Variants in PIK3C2G observed in about 807,000 individuals in gnomAD.
The protein encoded by PIK3C2G is phosphatidylinositol-4-phosphate 3-kinase catalytic subunit type 2 gamma, also known as phosphatidylinositol 3-kinase C2 domain-containing subunit gamma.
Under a neutral mutation model 181.1 loss-of-function variants are expected in PIK3C2G, and 168 were observed. That is an observed-to-expected ratio of 0.93 (90% confidence interval 0.82 to 1.05). The LOEUF (loss-of-function observed/expected upper bound fraction) is 1.05, where lower values mean the gene tolerates loss of function less well. PIK3C2G is among the 50% of genes least tolerant of loss of function. PIK3C2G has a pLI of 0.00. For synonymous variants in PIK3C2G, 573 were observed against 592.2 expected, an observed-to-expected ratio of 0.97 and a Z score of 0.47; for missense variants, 1,869 against 1,732.8, an observed-to-expected ratio of 1.08 and a Z score of -1.40.
rs753453484 is a variant in PIK3C2G at position 18,423,962 on chromosome 12, G to A, written c.2427G>A (p.Trp809Ter). 1 of 1,609,180 alleles carries A rather than the reference G, an allele frequency of 6.2e-7. No homozygotes were observed. The change falls in exon 18 of 33, where the codon TGG becomes TGA. Residue 809 changes from tryptophan (W) to a stop codon, truncating the protein, a stop_gained. Transcript: ENST00000538779. LOFTEE classifies it high-confidence loss of function. ...PQLVQAVKFE[W>*]NLESPLVQLL... The stretch of plus-strand genomic sequence containing the variant: ...TACTTCAGGCTGTCAAGTTTGAATG[G>A]AACCTTGAGAGTCCTTTAGTGCAAC...
intron 26 of PIK3C2G, among the ~76,000 whole-genome samples, chr12:18,559,824 A>ATATATATATATG (rs1945247744): frequency 2.8e-5 from 1 of 35,176 alleles, no homozygotes; most frequent in African/African-American, 1.0e-4. Context: ...ATATATATAG[A>ATATATATATATG]GAGAGAGAGA....
chr12:18,441,156 C>T (rs907458225), intron 18 of PIK3C2G, among the ~76,000 whole-genome samples: 19 of 152,066 alleles, frequency 1.2e-4, no homozygotes, highest in Non-Finnish European at 2.5e-4. Flanking sequence ...GAGATGTGAT[C>T]ACCTGTGTCA....
chr12:18,343,618 A>G (rs536061919), intron 10 of PIK3C2G, among the ~76,000 whole-genome samples: 6 of 152,162 alleles, frequency 3.9e-5, no homozygotes, highest in Admixed American at 3.9e-4. Flanking sequence ...TAATGAGAAA[A>G]ATAAAAAGAT....
intron 18 of PIK3C2G, among the ~76,000 whole-genome samples, chr12:18,478,307 A>C (rs1323862471): frequency 3.3e-5 from 5 of 152,086 alleles, no homozygotes; most frequent in Non-Finnish European, 7.4e-5. Flanking sequence ...GAGACTTCCC[A>C]TTTCTTTTCT....
chr12:18,361,791 A>G (rs1202279312), intron 11 of PIK3C2G, among the ~76,000 whole-genome samples: 1 of 152,124 alleles, frequency 6.6e-6, no homozygotes, highest in African/African-American at 2.4e-5. Context: ...GCTGCCTCCC[A>G]TCAGTGCTTC....
chr12:18,325,061 A>C lies in PIK3C2G; in HGVS notation c.1235A>C (p.Lys412Thr). The change falls in exon 8 of 33, where the codon AAA becomes ACA. Residue 412 changes from lysine (K) to threonine (T), a missense_variant. Lys to Thr is a moderately conservative substitution (Grantham distance 78, BLOSUM62 -1). Coordinates refer to ENST00000538779, the MANE Select transcript of PIK3C2G (RefSeq NM_001288772.2). ...CAATGTCTCTTAACACTCATCAGAA[A>C]ATATGACTTCCACCTGAAATACCTA... ...SRQCLLTLIRKYDFHLKYLLK... is the reference protein window; with the variant it reads ...SRQCLLTLIRTYDFHLKYLLK... 6.3e-7 allele frequency: 1 copy of C among 1,580,360 alleles called. No homozygotes were observed.
intron 31 of PIK3C2G, among the ~76,000 whole-genome samples, chr12:18,627,065 A>AT (rs1195991975): frequency 5.6e-4 from 78 of 140,092 alleles, no homozygotes; most frequent in Admixed American, 1.8e-3. Context: ...TCCTTCTTCC[A>AT]TTTTTTTTTT....
chr12:18,324,295 T>C (rs1360485951), intron 7 of PIK3C2G, among the ~76,000 whole-genome samples: 2 of 152,130 alleles, frequency 1.3e-5, no homozygotes, highest in Non-Finnish European at 2.9e-5. Flanking sequence ...TTACATATTC[T>C]ATGCATTTTG....
intron 29 of PIK3C2G, among the ~76,000 whole-genome samples, chr12:18,568,880 A>G (rs564540136): frequency 7.2e-5 from 11 of 151,882 alleles, no homozygotes; most frequent in Admixed American, 5.9e-4. Flanking sequence ...TCTTCTTACT[A>G]TTTTTTTTCA....
intron 31 of PIK3C2G, among the ~76,000 whole-genome samples, chr12:18,609,865 A>G (rs1948246523): frequency 6.6e-6 from 1 of 152,072 alleles, no homozygotes; most frequent in Non-Finnish European, 1.5e-5. Flanking sequence ...TTTATTCAAA[A>G]TGTCAGGAAA....
At chr12:18,543,075 T>G (rs888893220) in intron 25 of PIK3C2G, among the ~76,000 whole-genome samples, 18 of 152,018 alleles carry the variant, frequency 1.2e-4, no homozygotes, top group African/African-American at 4.1e-4. Context: ...TTTTTAGTAA[T>G]AGCCATTCTG....
intron 24 of PIK3C2G, among the ~76,000 whole-genome samples, chr12:18,509,668 C>T (rs769921777): frequency 2.0e-5 from 3 of 152,152 alleles, no homozygotes; most frequent in Non-Finnish European, 2.9e-5. Flanking sequence ...AATTCTATTT[C>T]GACACTCAGA....
chr12:18,493,829 G>T (rs1940787805), intron 20 of PIK3C2G: 1 of 152,208 alleles, frequency 6.6e-6, no homozygotes, highest in Non-Finnish European at 1.5e-5. Context: ...GCTCAGGTCT[G>T]AGCTAAACTG....
intron 13 of PIK3C2G, 33 bp from the exon 14 acceptor site, chr12:18,381,733 C>T: frequency 8.1e-7 from 1 of 1,227,598 alleles, no homozygotes; most frequent in South Asian, 1.2e-5. Context: ...TGAAGTGACT[C>T]CTGTCTGTGT....
intron 24 of PIK3C2G, among the ~76,000 whole-genome samples, chr12:18,519,369 T>C (rs1160291591): frequency 6.6e-6 from 1 of 152,208 alleles, no homozygotes; most frequent in Non-Finnish European, 1.5e-5. Flanking sequence ...TCTTTGTTGG[T>C]CTCTAAGAAC....
At chr12:18,345,856 TG>T (rs1939623500) in intron 10 of PIK3C2G, among the ~76,000 whole-genome samples, 1 of 152,186 alleles carries the variant, frequency 6.6e-6, no homozygotes, top group African/African-American at 2.4e-5. Flanking sequence ...AATAAACAAC[TG>T]TATCGACTAA....
At chr12:18,525,359 C>T (rs994778892) in intron 24 of PIK3C2G, among the ~76,000 whole-genome samples, 1 of 152,002 alleles carries the variant, frequency 6.6e-6, no homozygotes, top group African/African-American at 2.4e-5. Flanking sequence ...ACCACTGTTA[C>T]TCCAACCTGG....
At chr12:18,253,195 A>T (rs1433584924) in intron 1 of PIK3C2G, among the ~76,000 whole-genome samples, 2 of 152,212 alleles carry the variant, frequency 1.3e-5, no homozygotes, top group East Asian at 3.8e-4. Flanking sequence ...GGAAAGAAGG[A>T]AAATTTATCT....
intron 8 of PIK3C2G, among the ~76,000 whole-genome samples, chr12:18,330,301 T>C (rs1424068587): frequency 1.3e-5 from 2 of 152,132 alleles, no homozygotes; most frequent in African/African-American, 4.8e-5. Flanking sequence ...AATGCCCAAC[T>C]GCGTCTTTAC....
Sources: allele counts gnomAD v4.1 joint callset (sites outside exome capture counted in the v4.1 genomes callset), GRCh38; gene constraint gnomAD v4.1.1; transcripts MANE v1.5; gene names NCBI Gene and HGNC (gene_info 2026-07-23, HGNC 2026-07-21).